JMJD1C: variants seen among roughly 807,000 people sequenced by gnomAD.
JMJD1C encodes the protein jumonji domain containing 1C.
A neutral mutation model predicts 245.3 loss-of-function variants in JMJD1C; 31 were observed. That is an observed-to-expected ratio of 0.13 (90% CI 0.09 to 0.17). The LOEUF is 0.17. JMJD1C is among the 10% of genes least tolerant of loss of function. The probability of loss-of-function intolerance (pLI) is 1.00; values close to 1 mark genes in which losing one functional copy is unlikely to be tolerated. For missense variants in JMJD1C, 2,691 were observed against 3,000.2 expected (o/e 0.90, Z 2.41); for synonymous variants, 1,057 against 1,017.4 (o/e 1.04, Z -0.74).
At chr10:63,321,506 G>C (rs1485499643) in intron 2 of JMJD1C, among the ~76,000 whole-genome samples, 1 of 152,212 alleles carries the variant, frequency 6.6e-6, no homozygotes, top group East Asian at 1.9e-4. Context: ...GATCTGCTAG[G>C]TGTGTAAGAA....
chr10:63,427,539 G>C, intron 1 of JMJD1C: 1 of 1,385,702 alleles, frequency 7.2e-7, no homozygotes, highest in Middle Eastern at 1.8e-4. Context: ...TGTACATCCT[G>C]GAGGACTCTA....
chr10:63,386,666 C>G (rs762336378), intron 1 of JMJD1C, among the ~76,000 whole-genome samples: 4 of 152,198 alleles, frequency 2.6e-5, no homozygotes, highest in Non-Finnish European at 5.9e-5. Flanking sequence ...TGCAGCAGGC[C>G]TGGAGACTGA....
chr10:63,228,130 G>A (rs1849528227), intron 3 of JMJD1C, among the ~76,000 whole-genome samples: 1 of 152,078 alleles, frequency 6.6e-6, no homozygotes, highest in Admixed American at 6.6e-5. Context: ...TAAATGGCCA[G>A]AAAGTTAATA....
At chr10:63,371,273 T>A (rs899782560) in intron 2 of JMJD1C, among the ~76,000 whole-genome samples, 7 of 152,104 alleles carry the variant, frequency 4.6e-5, no homozygotes, top group African/African-American at 1.7e-4. Flanking sequence ...TGAGCCACTG[T>A]CCCTGGTCTA....
intron 1 of JMJD1C, among the ~76,000 whole-genome samples, chr10:63,491,660 A>C (rs1231165386): frequency 6.6e-6 from 1 of 152,214 alleles, no homozygotes; most frequent in Non-Finnish European, 1.5e-5. Context: ...TGGAGTATGA[A>C]ATTTTAATTA....
chr10:63,293,750 T>G (rs530431853), intron 2 of JMJD1C, among the ~76,000 whole-genome samples: 5 of 151,984 alleles, frequency 3.3e-5, no homozygotes, highest in African/African-American at 1.2e-4. Context: ...TCCTTTGACT[T>G]TGAAAATACC....
intron 2 of JMJD1C, among the ~76,000 whole-genome samples, chr10:63,308,647 T>G (rs1162893835): frequency 7.1e-6 from 1 of 140,542 alleles, no homozygotes; most frequent in Non-Finnish European, 1.5e-5. Context: ...AAAGGAAACT[T>G]AAGGAAACCT....
intron 1 of JMJD1C, among the ~76,000 whole-genome samples, chr10:63,444,506 T>C (rs1382430417): frequency 6.6e-6 from 1 of 152,092 alleles, no homozygotes; most frequent in Non-Finnish European, 1.5e-5. Context: ...ACTCCTGAAC[T>C]CAAGTGATCC....
intron 11 of JMJD1C, 34 bp downstream of exon 11, chr10:63,200,442 A>C: frequency 6.6e-7 from 1 of 1,506,860 alleles, no homozygotes; most frequent in Non-Finnish European, 9.2e-7. Context: ...AAATCAATAA[A>C]TTACTTTTTT....
chr10:63,200,731 C>T (rs1477849495), intron 10 of JMJD1C, 54 bp from the exon 11 acceptor site: 6 of 1,459,290 alleles, frequency 4.1e-6, no homozygotes, highest in Non-Finnish European at 5.7e-6. Flanking sequence ...AAAAGTTAAA[C>T]TCCTTGAGAT....
At chr10:63,242,403 A>T (rs1231975657) in intron 3 of JMJD1C, among the ~76,000 whole-genome samples, 1 of 152,190 alleles carries the variant, frequency 6.6e-6, no homozygotes, top group African/African-American at 2.4e-5. Flanking sequence ...AGCTACCAAT[A>T]ACGGACACAG....
At chr10:63,404,603 T>C (rs926155495) in intron 1 of JMJD1C, among the ~76,000 whole-genome samples, 6 of 151,884 alleles carry the variant, frequency 4.0e-5, no homozygotes, top group Non-Finnish European at 1.5e-5. Flanking sequence ...TCTCTTAATA[T>C]GAAAAAAGAA....
chr10:63,240,281 C>CA (rs149657958), intron 3 of JMJD1C, among the ~76,000 whole-genome samples: 7,941 of 150,454 alleles, frequency 0.053, 305 homozygotes, highest in African/African-American at 0.11. Flanking sequence ...AGGAGCACTA[C>CA]AAAAAAAAAT....
chr10:63,500,442 AAAG>A (rs1374955378), intron 1 of JMJD1C, among the ~76,000 whole-genome samples: 3 of 151,932 alleles, frequency 2.0e-5, no homozygotes, highest in South Asian at 2.1e-4. Flanking sequence ...AAAAAAAAAA[AAAG>A]AACTGTGGCA....
chr10:63,333,870 T>A (rs1046759450), intron 2 of JMJD1C, among the ~76,000 whole-genome samples: 2 of 152,190 alleles, frequency 1.3e-5, no homozygotes, highest in Non-Finnish European at 2.9e-5. Context: ...AAATTTTGAA[T>A]ATTTAAATAC....
rs1007522269 is a variant in JMJD1C at position 63,278,293 on chromosome 10, C to T, written c.334-13529G>A. On this transcript the variant is annotated intron_variant, in intron 2 of 25. Transcript: ENST00000399262. Reference sequence around the variant, plus strand: ...TTGAGGTTGGGAGTTTGAGACCAGCCTTACCAACATGGTAAAACCCTGTCT... The same window carrying T: ...TTGAGGTTGGGAGTTTGAGACCAGCTTTACCAACATGGTAAAACCCTGTCT... Among the ~76,000 whole-genome samples the T allele has an allele frequency of 6.6e-5, 10 of 151,088 alleles. No homozygotes were observed. In the South Asian group the frequency reaches 1.7e-3, roughly 25 times the overall value.
At chr10:63,184,497 C>A (rs1843884075) in intron 21 of JMJD1C, 111 bp downstream of exon 21, 2 of 894,160 alleles carry the variant, frequency 2.2e-6, no homozygotes, top group African/African-American at 3.4e-5. Flanking sequence ...CCGCCTTAGC[C>A]TCCCAAAGAG....
intron 2 of JMJD1C, among the ~76,000 whole-genome samples, chr10:63,310,020 A>G (rs1229234610): frequency 6.6e-6 from 1 of 152,184 alleles, no homozygotes; most frequent in African/African-American, 2.4e-5. Context: ...GTATTTCTCT[A>G]TATCAGTATT....
chr10:63,305,396 C>A (rs1937939774), intron 2 of JMJD1C, among the ~76,000 whole-genome samples: 1 of 146,406 alleles, frequency 6.8e-6, no homozygotes. Flanking sequence ...AAAAAGGTTG[C>A]AGTGAGCTCT....
Sources: gnomAD v4.1 joint callset for allele counts (sites outside exome capture counted in the v4.1 genomes callset) on GRCh38, gnomAD v4.1.1 for gene constraint, MANE v1.5 for transcripts, NCBI Gene and HGNC (gene_info 2026-07-23, HGNC 2026-07-21) for gene names.